The following ATP9A variants were observed in gnomAD, a reference collection of about 807,000 sequenced individuals.
The protein encoded by ATP9A is ATPase phospholipid transporting 9A.
A neutral mutation model predicts 144.1 loss-of-function variants in ATP9A; 52 were observed. The observed-to-expected ratio is 0.36, with a 90% CI of 0.29 to 0.45. The LOEUF (loss-of-function observed/expected upper bound fraction) is 0.45. Ranked by LOEUF, ATP9A falls within the 20% of genes least tolerant of loss-of-function variation. The pLI, the probability that ATP9A is intolerant of heterozygous loss-of-function variation, is 1.00. For missense variants in ATP9A, 947 were observed against 1,392.7 expected (o/e 0.68, Z 5.09); for synonymous variants, 582 against 557.4 (o/e 1.04, Z -0.62).
At chr20:51,623,335 T>C (rs1247617746) in intron 18 of ATP9A, among the ~76,000 whole-genome samples, 1 of 152,146 alleles carries the variant, frequency 6.6e-6, no homozygotes, top group Non-Finnish European at 1.5e-5. Flanking sequence ...ATGGCTAATG[T>C]CCCATGCTGT....
chr20:51,649,912 CAAAAAA>C (rs3029336), intron 14 of ATP9A, among the ~76,000 whole-genome samples: 2 of 107,738 alleles, frequency 1.9e-5, no homozygotes, highest in Non-Finnish European at 3.7e-5. Context: ...GAATCCGTCT[CAAAAAA>C]AAAAAAAAAA....
At chr20:51,679,966 A>T (rs2122800440) in intron 9 of ATP9A, among the ~76,000 whole-genome samples, 1 of 152,344 alleles carries the variant, frequency 6.6e-6, no homozygotes, top group Admixed American at 6.5e-5. Flanking sequence ...ACGGTGGCTC[A>T]CGCCTGTATT....
At chr20:51,687,391 T>C (rs1215514354) in intron 9 of ATP9A, among the ~76,000 whole-genome samples, 3 of 152,204 alleles carry the variant, frequency 2.0e-5, no homozygotes, top group Non-Finnish European at 4.4e-5. Flanking sequence ...TGACACACGG[T>C]ACTCCAGGGA....
At chr20:51,686,817 C>T (rs912231172) in intron 9 of ATP9A, among the ~76,000 whole-genome samples, 3 of 152,120 alleles carry the variant, frequency 2.0e-5, no homozygotes, top group South Asian at 2.1e-4. Flanking sequence ...TGCCTGTAAT[C>T]CCAGCTACTG....
intron 5 of ATP9A, among the ~76,000 whole-genome samples, chr20:51,696,511 G>A (rs1256486296): frequency 6.6e-6 from 1 of 151,992 alleles, no homozygotes; most frequent in Non-Finnish European, 1.5e-5. Flanking sequence ...CTCCTCTCTC[G>A]CTTTCTGCTT....
rs1159323223 is a variant in ATP9A at position 51,600,365 on chromosome 20, T to C, written c.*846A>G. The C allele has an allele frequency of 2.6e-5, 4 of 152,210 alleles. No homozygotes were observed. Among genetic ancestry groups the C allele is most frequent in the Non-Finnish European group, 5.9e-5 (4 of 68,052 alleles). The allele number at this position is 152,210 out of a possible 1,614,324, so 9.4% of individuals were successfully genotyped here. Reference sequence around the variant, plus strand: ...GTCGACACATTTAGGGGCCATTCAGTGGCACGTTTCCTGCTAAAACAACTC... The same window carrying C: ...GTCGACACATTTAGGGGCCATTCAGCGGCACGTTTCCTGCTAAAACAACTC... On this transcript the variant is annotated 3_prime_UTR_variant, in exon 28 of 28. Transcript: ENST00000338821.
intron 14 of ATP9A, among the ~76,000 whole-genome samples, chr20:51,645,795 T>C (rs1163306287): frequency 6.6e-6 from 1 of 152,186 alleles, no homozygotes; most frequent in Admixed American, 6.5e-5. Flanking sequence ...TGAGCTGAGA[T>C]AACTGCATTC....
At chr20:51,753,730 G>A (rs1252742851) in intron 1 of ATP9A, among the ~76,000 whole-genome samples, 10 of 147,800 alleles carry the variant, frequency 6.8e-5, no homozygotes, top group East Asian at 2.0e-4. Flanking sequence ...GCAGTGGCAC[G>A]ATCTCGACTC....
intron 1 of ATP9A, among the ~76,000 whole-genome samples, chr20:51,750,534 C>T (rs1248447408): frequency 2.6e-5 from 4 of 152,176 alleles, no homozygotes; most frequent in Non-Finnish European, 4.4e-5. Flanking sequence ...TCCTAGACAC[C>T]AAAACAATAA....
intron 4 of ATP9A, among the ~76,000 whole-genome samples, chr20:51,705,205 T>C (rs186029471): frequency 9.2e-4 from 140 of 152,292 alleles, no homozygotes; most frequent in African/African-American, 3.3e-3. Context: ...TTAACCACAA[T>C]GACATACAAC....
At position 51,670,057 on chromosome 20, in the gene ATP9A, T is replaced by C; in HGVS notation, c.1233A>G (p.Val411=). The C allele has an allele frequency of 6.2e-7, 1 of 1,614,212 alleles. No individual in the cohort carries two copies. The highest frequency in any genetic ancestry group is 8.5e-7 in the Non-Finnish European group (1 of 1,180,042). The change falls in exon 13 of 28, where the codon GTA becomes GTG. Residue 411 remains valine (V), a synonymous_variant. Transcript: ENST00000338821. ...CGTCCATTGAGTCGAGGCCGTAGGC[T>C]ACTGTTCCGAGATGGAGCCGTTTGA... ...MIFKRLHLGT[V]AYGLDSMDEV...
chr20:51,606,298 T>G (rs2077163264), intron 26 of ATP9A, among the ~76,000 whole-genome samples: 1 of 152,230 alleles, frequency 6.6e-6, no homozygotes, highest in Non-Finnish European at 1.5e-5. Context: ...CATGTTTATT[T>G]GTAAGTTATA....
chr20:51,607,323 C>T (rs11907358), intron 26 of ATP9A, among the ~76,000 whole-genome samples: 6,114 of 152,318 alleles, frequency 0.04, 408 homozygotes, highest in African/African-American at 0.14. Flanking sequence ...GGCTTCACTA[C>T]CTCATTTCTC....
Position 51,730,124 on chromosome 20 carries a change from A to C in ATP9A, c.69-146T>G, listed in dbSNP as rs551287497. ...ATATTTGAGGCTTCATCTTTCAGTG[A>C]AACAAGAAAACAGAGCAGAAGCTCC... On this transcript the variant is annotated intron_variant, in intron 1 of 27. Transcript: ENST00000338821. 9.1e-5 allele frequency: 85 copies of C among 932,008 alleles called. 2 individuals carry two copies. The South Asian group carries it at 2.5e-3, about 28-fold the overall frequency. 57.7% of individuals were successfully genotyped at this position (932,008 alleles called of 1,614,324 possible).
At position 51,627,683 on chromosome 20, in the gene ATP9A, A is replaced by C. The variant is rs2077255045; in HGVS notation, c.1762T>G (p.Cys588Gly). 2 of 1,613,972 alleles carry C rather than the reference A, an allele frequency of 1.2e-6. No individual in the cohort carries two copies. Among genetic ancestry groups the C allele is most frequent in the Non-Finnish European group, 1.7e-6 (2 of 1,179,982 alleles). Residue 588 changes from cysteine (C) to glycine (G), a missense_variant and splice_region_variant, in exon 17 of 28, where the codon TGT becomes GGT. By Grantham distance (159) the Cys-to-Gly change is radical. Coordinates refer to ENST00000338821, the MANE Select transcript of ATP9A (RefSeq NM_006045.3). ...AGCCCTTCTCGGGCCATGTTGCCAC[A>C]CTGAAAAATAGACCACGGTCGAGTG... Reference protein sequence around the residue: ...VQYNDWLEEECGNMAREGLRV... With the variant: ...VQYNDWLEEEGGNMAREGLRV...
At chr20:51,759,713 T>G (rs1568850422) in intron 1 of ATP9A, among the ~76,000 whole-genome samples, 1 of 151,902 alleles carries the variant, frequency 6.6e-6, no homozygotes, top group Non-Finnish European at 1.5e-5. Context: ...AAAAATAAAA[T>G]AAGATGTACA....
intron 3 of ATP9A, among the ~76,000 whole-genome samples, chr20:51,717,353 G>C (rs532582140): frequency 3.3e-5 from 5 of 152,000 alleles, no homozygotes. Flanking sequence ...ATCTATTAAG[G>C]AAATCAGCGA....
chr20:51,700,826 G>C (rs1021030874), intron 4 of ATP9A, among the ~76,000 whole-genome samples: 1 of 152,124 alleles, frequency 6.6e-6, no homozygotes, highest in African/African-American at 2.4e-5. Context: ...GCGAAACTCC[G>C]TCTCAAAAAA....
At chr20:51,759,691 T>A (rs527406065) in intron 1 of ATP9A, among the ~76,000 whole-genome samples, 2 of 151,624 alleles carry the variant, frequency 1.3e-5, no homozygotes, top group Non-Finnish European at 2.9e-5. Flanking sequence ...ATAATAATAA[T>A]AAATAAAATT....
Sources: allele counts gnomAD v4.1 joint callset (sites outside exome capture counted in the v4.1 genomes callset), GRCh38; gene constraint gnomAD v4.1.1; transcripts MANE v1.5; gene names NCBI Gene and HGNC (gene_info 2026-07-23, HGNC 2026-07-21).